The following TENM3 variants were observed in gnomAD, a reference collection of about 807,000 sequenced individuals.
The protein encoded by TENM3 is teneurin transmembrane protein 3, also known as teneurin-3.
In TENM3, 63 loss-of-function variants were observed where a neutral mutation model predicts 255.1. The ratio of observed to expected loss-of-function variants is 0.25; its 90% CI spans 0.20 to 0.30. TENM3 has a LOEUF of 0.30. TENM3 is among the 10% of genes least tolerant of loss of function. The pLI is 1.00. For missense variants in TENM3, 2,929 were observed against 3,461.1 expected (o/e 0.85, Z 3.86); for synonymous variants, 1,306 against 1,322.3 (o/e 0.99, Z 0.27).
chr4:181,827,206 C>T, the TENM3 span, among the ~76,000 whole-genome samples: 2 of 152,216 alleles, frequency 1.3e-5, no homozygotes, highest in African/African-American at 4.8e-5. Context: ...TTGGTAACAC[C>T]TATCGATTAG....
the TENM3 span, among the ~76,000 whole-genome samples, chr4:181,911,509 A>G: frequency 2.0e-5 from 3 of 152,226 alleles, no homozygotes; most frequent in Admixed American, 1.3e-4. Context: ...AATGTGTTTG[A>G]AGGCTATAAA....
At chr4:181,522,521 A>G in the TENM3 span, 25 of 305,410 alleles carry the variant, frequency 8.2e-5, 1 homozygote, top group South Asian at 9.5e-4. Flanking sequence ...CATTAAGGTT[A>G]GAAATGTAAG....
At chr4:181,623,200 C>T in the TENM3 span, among the ~76,000 whole-genome samples, 1 of 152,184 alleles carries the variant, frequency 6.6e-6, no homozygotes, top group African/African-American at 2.4e-5. Flanking sequence ...TCTTTACAAG[C>T]CGTGCGACAT....
At chr4:182,076,213 C>CTTCTTTT in the TENM3 span, among the ~76,000 whole-genome samples, 3 of 126,398 alleles carry the variant, frequency 2.4e-5, no homozygotes, top group Non-Finnish European at 3.3e-5. Flanking sequence ...TCTTCTTCTT[C>CTTCTTTT]TTTTTTTTTT....
intron 3 of TENM3, among the ~76,000 whole-genome samples, chr4:182,459,939 T>C (rs1372468304): frequency 6.6e-6 from 1 of 152,162 alleles, no homozygotes; most frequent in Non-Finnish European, 1.5e-5. Context: ...ATCTTTTCAG[T>C]TAAAAATAAC....
chr4:181,472,471 G>A, the TENM3 span, among the ~76,000 whole-genome samples: 1 of 146,864 alleles, frequency 6.8e-6, no homozygotes, highest in Non-Finnish European at 1.5e-5. Flanking sequence ...CCCCCAAAAG[G>A]CCCCCTGCCA....
upstream of TENM3, among the ~76,000 whole-genome samples, chr4:182,241,397 G>A (rs533003574): frequency 6.6e-6 from 1 of 151,856 alleles, no homozygotes; most frequent in Non-Finnish European, 1.5e-5. Context: ...GTTCAGTGGT[G>A]CCCCCTCTAC....
the TENM3 span, among the ~76,000 whole-genome samples, chr4:181,463,590 G>A: frequency 6.6e-6 from 1 of 152,116 alleles, no homozygotes. Flanking sequence ...AATTTTAAAA[G>A]ATTTTTGGTT....
At chr4:181,711,836 A>T in the TENM3 span, among the ~76,000 whole-genome samples, 1 of 152,154 alleles carries the variant, frequency 6.6e-6, no homozygotes. Context: ...TTGTTTGACC[A>T]GCTGTGCAGG....
chr4:182,346,623 G>T (rs1485310885), intron 2 of TENM3, 28 bp from the exon 3 acceptor site: 1 of 1,594,402 alleles, frequency 6.3e-7, no homozygotes. Context: ...ATACTCACTA[G>T]TTGTTATCTT....
At chr4:181,651,709 G>C in the TENM3 span, among the ~76,000 whole-genome samples, 1 of 152,136 alleles carries the variant, frequency 6.6e-6, no homozygotes, top group South Asian at 2.1e-4. Flanking sequence ...CTAACACCAA[G>C]GAACGCTGAA....
chr4:182,516,617 G>A (rs548841943), intron 3 of TENM3, among the ~76,000 whole-genome samples: 6 of 152,194 alleles, frequency 3.9e-5, no homozygotes, highest in Admixed American at 6.5e-5. Flanking sequence ...AAGGCCAGGC[G>A]TAATGGCTCA....
chr4:181,657,527 G>A, the TENM3 span, among the ~76,000 whole-genome samples: 37,753 of 152,116 alleles, frequency 0.25, 5,059 homozygotes, highest in Non-Finnish European at 0.3. Context: ...ACAGGTGTTG[G>A]TGATACTGTT....
intron 7 of TENM3, among the ~76,000 whole-genome samples, chr4:182,676,923 G>A (rs759754983): frequency 2.6e-5 from 4 of 152,050 alleles, no homozygotes; most frequent in South Asian, 2.1e-4. Flanking sequence ...TGGCTCCCGC[G>A]GACTAGTGCA....
chr4:182,755,344 G>A, intron 22 of TENM3, 85 bp downstream of exon 22: 1 of 1,252,454 alleles, frequency 8.0e-7, no homozygotes, highest in Non-Finnish European at 1.1e-6. Context: ...CTTAAGAGCT[G>A]GAGGATTCCA....
At chr4:182,391,565 A>T (rs1226003719) in intron 3 of TENM3, among the ~76,000 whole-genome samples, 1 of 152,218 alleles carries the variant, frequency 6.6e-6, no homozygotes, top group African/African-American at 2.4e-5. Context: ...ACTAACACAC[A>T]ATGAAAAAGC....
rs571417635 is a variant in TENM3 at position 182,539,335 on chromosome 4, G to A, written c.512-61589G>A. 5.9e-5 allele frequency among the ~76,000 whole-genome samples: 9 copies of A among 152,064 alleles called. No individual in the cohort carries two copies. In the South Asian group the frequency reaches 6.2e-4, roughly 11 times the overall value. On this transcript the variant is annotated intron_variant, in intron 3 of 27. Transcript: ENST00000511685. ...AAAATGCTCTGCTTGATTCATTTAC[G>A]TGGAGAATACTGATGAGCTAGCAGT...
chr4:181,699,472 AGAAAGAAAG>A, the TENM3 span, among the ~76,000 whole-genome samples: 132 of 132,988 alleles, frequency 9.9e-4, 3 homozygotes, highest in African/African-American at 3.7e-3. Flanking sequence ...AAAAAAAAAA[AGAAAGAAAG>A]AAAAAGAAAA....
chr4:181,565,232 G>A, the TENM3 span, among the ~76,000 whole-genome samples: 1 of 152,268 alleles, frequency 6.6e-6, no homozygotes, highest in Admixed American at 6.5e-5. Context: ...AGGGCAAACT[G>A]CAGGATAGGA....
Sources: gnomAD v4.1 joint callset for allele counts (sites outside exome capture counted in the v4.1 genomes callset) on GRCh38, gnomAD v4.1.1 for gene constraint, MANE v1.5 for transcripts, NCBI Gene and HGNC (gene_info 2026-07-23, HGNC 2026-07-21) for gene names.